UBE2R2: variants seen among roughly 807,000 people sequenced by gnomAD.
The protein encoded by UBE2R2 is ubiquitin conjugating enzyme E2 R2, also known as ubiquitin-conjugating enzyme E2 R2.
A neutral mutation model predicts 27.8 loss-of-function variants in UBE2R2; 1 was observed. That is an observed-to-expected ratio of 0.04 (90% confidence interval 0.01 to 0.17). UBE2R2 has a LOEUF of 0.17. Among genes scored for constraint, UBE2R2 ranks in the 10% least tolerant of loss-of-function variants. UBE2R2 has a pLI of 1.00. For synonymous variants in UBE2R2, 106 were observed against 113.3 expected, an observed-to-expected ratio of 0.94 and a Z score of 0.41; for missense variants, 100 against 291.0, an observed-to-expected ratio of 0.34 and a Z score of 4.78.
chr9:33,905,328 G>C (rs1370042118), intron 3 of UBE2R2, among the ~76,000 whole-genome samples: 1 of 152,162 alleles, frequency 6.6e-6, no homozygotes. Context: ...ATCACCCCTA[G>C]CATTGGGTGC....
At chr9:33,914,897 G>A (rs1336471792) in intron 4 of UBE2R2, among the ~76,000 whole-genome samples, 2 of 152,074 alleles carry the variant, frequency 1.3e-5, no homozygotes, top group Non-Finnish European at 2.9e-5. Flanking sequence ...AGGACTTTGG[G>A]AGGCCGAGGC....
chr9:33,879,396 A>G (rs1821682211), intron 1 of UBE2R2, among the ~76,000 whole-genome samples: 1 of 152,126 alleles, frequency 6.6e-6, no homozygotes, highest in Admixed American at 6.6e-5. Flanking sequence ...CATATCATCT[A>G]TTCTACATAA....
At chr9:33,828,826 C>T (rs567168067) in intron 1 of UBE2R2, among the ~76,000 whole-genome samples, 26 of 152,116 alleles carry the variant, frequency 1.7e-4, no homozygotes, top group African/African-American at 6.0e-4. Flanking sequence ...CTCTGCCTCC[C>T]GGGTTCAAGT....
chr9:33,860,119 T>TAAA (rs1222697299), intron 1 of UBE2R2, among the ~76,000 whole-genome samples: 6 of 113,666 alleles, frequency 5.3e-5, no homozygotes, highest in African/African-American at 1.9e-4. Flanking sequence ...TTTTTTTTTT[T>TAAA]AAAAAAATAG....
chr9:33,875,793 A>G (rs1035531302), intron 1 of UBE2R2, among the ~76,000 whole-genome samples: 1 of 152,226 alleles, frequency 6.6e-6, no homozygotes, highest in African/African-American at 2.4e-5. Flanking sequence ...TAAATTAAAT[A>G]GTCAAGAATC....
At chr9:33,819,980 G>A (rs1340170072) in intron 1 of UBE2R2, among the ~76,000 whole-genome samples, 3 of 152,210 alleles carry the variant, frequency 2.0e-5, no homozygotes, top group African/African-American at 7.2e-5. Flanking sequence ...AAATCTGCTG[G>A]CTAATGTTAG....
chr9:33,865,740 C>G (rs1026705963), intron 1 of UBE2R2, among the ~76,000 whole-genome samples: 9 of 151,772 alleles, frequency 5.9e-5, no homozygotes, highest in African/African-American at 1.9e-4. Context: ...CCATTATTAC[C>G]TTTTCTTTCA....
At chr9:33,897,829 G>A (rs1285093616) in intron 2 of UBE2R2, among the ~76,000 whole-genome samples, 1 of 139,308 alleles carries the variant, frequency 7.2e-6, no homozygotes, top group African/African-American at 2.7e-5. Context: ...AAGCTGGAGT[G>A]CAATGGCACA....
At chr9:33,852,973 A>C (rs940362259) in intron 1 of UBE2R2, among the ~76,000 whole-genome samples, 2 of 152,106 alleles carry the variant, frequency 1.3e-5, no homozygotes, top group African/African-American at 4.8e-5. Flanking sequence ...GCACTGCTGC[A>C]CTCCAGCCTA....
At chr9:33,912,860 C>G (rs1405351978) in intron 4 of UBE2R2, among the ~76,000 whole-genome samples, 2 of 152,114 alleles carry the variant, frequency 1.3e-5, no homozygotes, top group Non-Finnish European at 2.9e-5. Flanking sequence ...CCTTTAATCT[C>G]TTAGGACATC....
intron 1 of UBE2R2, among the ~76,000 whole-genome samples, chr9:33,828,425 TGTC>T (rs946012299): frequency 6.7e-6 from 1 of 148,504 alleles, no homozygotes; most frequent in African/African-American, 2.5e-5. Context: ...ACAGTCTCAC[TGTC>T]GTCCACGCTG....
chr9:33,915,241 T>C (rs1265384130), intron 4 of UBE2R2, among the ~76,000 whole-genome samples: 1 of 151,904 alleles, frequency 6.6e-6, no homozygotes, highest in Admixed American at 6.6e-5. Flanking sequence ...TGTAAAGCAA[T>C]AGGTCTTTGG....
intron 1 of UBE2R2, among the ~76,000 whole-genome samples, chr9:33,824,032 G>C (rs1373564286): frequency 3.9e-5 from 6 of 152,124 alleles, no homozygotes; most frequent in Non-Finnish European, 8.8e-5. Context: ...ACACAGTTAA[G>C]GTCTAAGGGT....
intron 1 of UBE2R2, among the ~76,000 whole-genome samples, chr9:33,825,677 T>A (rs1820301879): frequency 6.6e-6 from 1 of 152,212 alleles, no homozygotes; most frequent in Non-Finnish European, 1.5e-5. Flanking sequence ...CAAATTAGGC[T>A]ACCTCTGATA....
chr9:33,909,006 T>TGAAATAAA (rs1554677373), intron 3 of UBE2R2, among the ~76,000 whole-genome samples: 1 of 150,158 alleles, frequency 6.7e-6, no homozygotes, highest in African/African-American at 2.5e-5. Flanking sequence ...GACCCTGTCT[T>TGAAATAAA]TAAATAAATA....
chr9:33,845,779 G>A (rs552161177), intron 1 of UBE2R2, among the ~76,000 whole-genome samples: 1 of 151,876 alleles, frequency 6.6e-6, no homozygotes, highest in East Asian at 2.0e-4. Flanking sequence ...AGGCTGAGTC[G>A]GGCAGATCAT....
At chr9:33,909,042 C>T (rs1293831765) in intron 3 of UBE2R2, among the ~76,000 whole-genome samples, 1 of 139,312 alleles carries the variant, frequency 7.2e-6, no homozygotes, top group Non-Finnish European at 1.5e-5. Context: ...AAATTCACTT[C>T]CTCATTTGTG....
At chr9:33,902,063 A>G (rs1380318575) in intron 3 of UBE2R2, among the ~76,000 whole-genome samples, 4 of 151,858 alleles carry the variant, frequency 2.6e-5, no homozygotes, top group Admixed American at 6.6e-5. Flanking sequence ...ACAGGCATGC[A>G]TCACGGTGTC....
At chr9:33,909,650 A>G (rs530350016) in intron 3 of UBE2R2, among the ~76,000 whole-genome samples, 1 of 152,144 alleles carries the variant, frequency 6.6e-6, no homozygotes, top group Admixed American at 6.5e-5. Context: ...CGATCTCCTT[A>G]CCTTGTGATC....
Sources: allele counts gnomAD v4.1 joint callset (sites outside exome capture counted in the v4.1 genomes callset), GRCh38; gene constraint gnomAD v4.1.1; transcripts MANE v1.5; gene names NCBI Gene and HGNC (gene_info 2026-07-23, HGNC 2026-07-21).